ALDH1A1: variants seen among roughly 807,000 people sequenced by gnomAD.
ALDH1A1 encodes aldehyde dehydrogenase 1 family member A1, also known as aldehyde dehydrogenase 1A1.
ALDH1A1 carries 19 observed loss-of-function variants against 62.1 expected under a neutral mutation model. The observed-to-expected ratio is 0.31, with a 90% CI of 0.21 to 0.45. The LOEUF is 0.45. Ranked by LOEUF, ALDH1A1 falls within the 20% of genes least tolerant of loss-of-function variation. The pLI, the probability that ALDH1A1 is intolerant of heterozygous loss-of-function variation, is 1.00. For synonymous variants in ALDH1A1, 231 were observed against 215.9 expected, an observed-to-expected ratio of 1.07 and a Z score of -0.61; for missense variants, 521 against 607.1, an observed-to-expected ratio of 0.86 and a Z score of 1.49.
chr9:72,948,392 G>C (rs147589314), intron 1 of ALDH1A1, among the ~76,000 whole-genome samples: 1 of 151,884 alleles, frequency 6.6e-6, no homozygotes, highest in Admixed American at 6.6e-5. Flanking sequence ...TCCGCCAGCC[G>C]ATCTGGCCCC....
intron 10 of ALDH1A1, among the ~76,000 whole-genome samples, chr9:72,911,395 T>C (rs2118495308): frequency 6.6e-6 from 1 of 152,308 alleles, no homozygotes; most frequent in East Asian, 1.9e-4. Flanking sequence ...CTCTTAGCAA[T>C]ATTCAAGTAT....
chr9:72,907,057 T>A (rs1219917821), intron 11 of ALDH1A1, among the ~76,000 whole-genome samples: 1 of 152,182 alleles, frequency 6.6e-6, no homozygotes, highest in Non-Finnish European at 1.5e-5. Flanking sequence ...CTTTGAAGGT[T>A]TGGTCATTAC....
chr9:72,949,847 A>G (rs1282375999), intron 1 of ALDH1A1, among the ~76,000 whole-genome samples: 1 of 150,738 alleles, frequency 6.6e-6, no homozygotes, highest in Non-Finnish European at 1.5e-5. Flanking sequence ...TATAAAAAAA[A>G]AAAAAGAAAA....
chr9:72,942,082 G>T (rs1213618035), intron 1 of ALDH1A1, among the ~76,000 whole-genome samples: 1 of 152,062 alleles, frequency 6.6e-6, no homozygotes. Context: ...TATCTTTTGG[G>T]AAAAAACACT....
At chr9:72,913,336 T>C (rs1830015093) in intron 9 of ALDH1A1, among the ~76,000 whole-genome samples, 2 of 152,128 alleles carry the variant, frequency 1.3e-5, no homozygotes, top group Admixed American at 6.5e-5. Flanking sequence ...AGAAGGAAAA[T>C]ATTCCTTCAT....
Position 72,913,616 on chromosome 9 carries a change from A to AC in ALDH1A1, c.1036-1495dup, listed in dbSNP as rs1830019667. Among the ~76,000 whole-genome samples, 5 of 152,312 alleles carry AC rather than the reference A, an allele frequency of 3.3e-5. No individual in the cohort carries two copies. The South Asian group carries it at 1.0e-3, about 32-fold the overall frequency. On this transcript the variant is annotated intron_variant, in intron 9 of 12. Coordinates refer to ENST00000297785, the MANE Select transcript of ALDH1A1 (RefSeq NM_000689.5). ...AAGTCATGTTTTCCTGTCTGTGACC[A>AC]CGTTGAATAACCAGTGCCAATCAAA...
At chr9:72,917,818 T>A (rs1366844089) in intron 8 of ALDH1A1, among the ~76,000 whole-genome samples, 1 of 152,238 alleles carries the variant, frequency 6.6e-6, no homozygotes. Context: ...TTTAATTTTC[T>A]AAATGCTGAA....
chr9:72,908,924 T>C (rs1421857135), intron 11 of ALDH1A1, among the ~76,000 whole-genome samples: 2 of 152,140 alleles, frequency 1.3e-5, no homozygotes, highest in African/African-American at 2.4e-5. Context: ...TCTCTAATAA[T>C]CCTAGAGTAA....
intron 2 of ALDH1A1, among the ~76,000 whole-genome samples, chr9:72,938,371 A>C (rs348453): frequency 2.6e-5 from 4 of 152,266 alleles, no homozygotes; most frequent in Admixed American, 6.5e-5. Context: ...CGTGTTCAGA[A>C]AAATATTCTG....
chr9:72,941,783 A>AGG (rs1830418416), intron 1 of ALDH1A1, among the ~76,000 whole-genome samples: 1 of 152,138 alleles, frequency 6.6e-6, no homozygotes, highest in African/African-American at 2.4e-5. Flanking sequence ...ATTCATGCCA[A>AGG]TATAATTTTC....
chr9:72,904,472 C>G (rs1035369309), intron 12 of ALDH1A1, among the ~76,000 whole-genome samples: 8 of 152,122 alleles, frequency 5.3e-5, no homozygotes, highest in African/African-American at 1.7e-4. Flanking sequence ...AGAAAGCCCT[C>G]TTCTCTACTA....
intron 1 of ALDH1A1, among the ~76,000 whole-genome samples, chr9:72,945,840 GAA>G (rs1180588689): frequency 2.0e-5 from 3 of 151,908 alleles, no homozygotes; most frequent in African/African-American, 7.2e-5. Context: ...CAAAGGGAAA[GAA>G]AATTTTTAAC....
rs1830097386 is a variant in ALDH1A1, at chr9:72,918,831, G to C, written c.748-9C>G. The stretch of plus-strand genomic sequence containing the variant: ...TTGATCAACTTGCCAACCTGAAAGG[G>C]AGCATTACAAAGGAGGAGGCTTACC... On this transcript the variant is annotated splice_polypyrimidine_tract_variant and intron_variant, in intron 7 of 12. Transcript: ENST00000297785. 5 of 1,609,048 alleles carry C rather than the reference G, an allele frequency of 3.1e-6. No individual in the cohort carries two copies. The highest frequency in any genetic ancestry group is 1.7e-6 in the Non-Finnish European group (2 of 1,175,624).
At chr9:72,949,928 A>G (rs1273108964) in intron 1 of ALDH1A1, among the ~76,000 whole-genome samples, 1 of 151,718 alleles carries the variant, frequency 6.6e-6, no homozygotes, top group Non-Finnish European at 1.5e-5. Context: ...GTAGGAGAAA[A>G]TTTTTGATCC....
chr9:72,939,203 T>TTA (rs1213006318), intron 2 of ALDH1A1, among the ~76,000 whole-genome samples: 2 of 152,208 alleles, frequency 1.3e-5, no homozygotes, highest in East Asian at 3.8e-4. Flanking sequence ...CATCTCATCA[T>TTA]TATTTGTAAA....
chr9:72,901,030 ATTCT>A lies in ALDH1A1; in HGVS notation c.*174_*177del. 2 of 467,454 alleles carry A rather than the reference ATTCT, an allele frequency of 4.3e-6. No individual in the cohort carries two copies. The highest frequency in any genetic ancestry group is 9.5e-5 in the South Asian group (2 of 21,134). 29.0% of individuals were successfully genotyped at this position (467,454 alleles called of 1,614,324 possible). Reference sequence around the variant, plus strand: ...GGGGTCACATTTCAGAAGGCAAATAATTCTTTCAGAAGAAGCTACATGTCAAGTT... The same window carrying A: ...GGGGTCACATTTCAGAAGGCAAATAATTCAGAAGAAGCTACATGTCAAGTT... On this transcript the variant is annotated 3_prime_UTR_variant, in exon 13 of 13. Coordinates refer to ENST00000297785, the MANE Select transcript of ALDH1A1 (RefSeq NM_000689.5).
intron 1 of ALDH1A1, among the ~76,000 whole-genome samples, chr9:72,945,507 C>G (rs573649666): frequency 4.0e-5 from 6 of 151,872 alleles, no homozygotes; most frequent in Non-Finnish European, 8.8e-5. Context: ...TGTGAATTTT[C>G]AAACTTGAGA....
intron 7 of ALDH1A1, among the ~76,000 whole-genome samples, chr9:72,919,699 C>T (rs1257660543): frequency 2.6e-5 from 4 of 152,174 alleles, no homozygotes; most frequent in Non-Finnish European, 5.9e-5. Flanking sequence ...GATTGACAGT[C>T]GTCTCTCTAT....
At position 72,906,925 on chromosome 9, in the gene ALDH1A1, C is replaced by CCCAA. The variant is rs1244961118; in HGVS notation, c.1359-897_1359-894dup. Reference sequence around the variant, plus strand: ...GACTGAGGCAGGAGGATCACTTGAGCCCAAGAGTTTGAGACCAGCCTGGGC... The same window carrying CCCAA: ...GACTGAGGCAGGAGGATCACTTGAGCCCAACCAAGAGTTTGAGACCAGCCTGGGC... On this transcript the variant is annotated intron_variant, in intron 11 of 12. Coordinates refer to ENST00000297785, the MANE Select transcript of ALDH1A1 (RefSeq NM_000689.5). Among the ~76,000 whole-genome samples, 3 of 152,070 alleles carry CCCAA rather than the reference C, an allele frequency of 2.0e-5. No individual in the cohort carries two copies. In the East Asian group the frequency reaches 5.8e-4, roughly 29 times the overall value.
Sources: allele counts gnomAD v4.1 joint callset (sites outside exome capture counted in the v4.1 genomes callset), GRCh38; gene constraint gnomAD v4.1.1; transcripts MANE v1.5; gene names NCBI Gene and HGNC (gene_info 2026-07-23, HGNC 2026-07-21).